Variants in ARHGAP17 observed in about 807,000 individuals in gnomAD.
ARHGAP17 encodes the protein Rho GTPase activating protein 17.
In ARHGAP17, 57 loss-of-function variants were observed where a neutral mutation model predicts 99.5. The observed-to-expected ratio is 0.57, with a 90% CI of 0.46 to 0.71. The LOEUF (loss-of-function observed/expected upper bound fraction) is 0.71. ARHGAP17 is among the 30% of genes least tolerant of loss of function. The pLI is 0.00. For missense variants in ARHGAP17, 1,000 were observed against 1,122.4 expected (o/e 0.89, Z 1.56); for synonymous variants, 417 against 429.6 (o/e 0.97, Z 0.36).
rs757827259 is a variant in ARHGAP17, at chr16:24,968,693, CCTT to C, written c.349_351del (p.Lys117del). 1 of 1,614,238 alleles carries C rather than the reference CCTT, an allele frequency of 6.2e-7. No individual in the cohort carries two copies. Among genetic ancestry groups the C allele is most frequent in the South Asian group, 1.1e-5 (1 of 91,078 alleles). On this transcript the variant is annotated inframe_deletion, in exon 5 of 20. Coordinates refer to ENST00000289968, the MANE Select transcript of ARHGAP17 (RefSeq NM_001006634.3). ...ATGCCGTACAGAGGGTCCACGATCTCCTTCTCAACAAAGACTTCGTGCTGGGAG... is the reference window on the plus strand; with the variant it reads ...ATGCCGTACAGAGGGTCCACGATCTCCTCAACAAAGACTTCGTGCTGGGAG...
intron 17 of ARHGAP17, among the ~76,000 whole-genome samples, chr16:24,937,259 T>C (rs2051167208): frequency 1.3e-5 from 2 of 151,686 alleles, no homozygotes; most frequent in African/African-American, 4.8e-5. Flanking sequence ...CCATCTCTAC[T>C]GAAAATACAA....
intron 7 of ARHGAP17, 41 bp downstream of exon 7, chr16:24,964,156 G>T: frequency 1.4e-6 from 2 of 1,380,912 alleles, no homozygotes; most frequent in South Asian, 1.4e-5. Flanking sequence ...TCCCTCATTT[G>T]CAAAAACCGA....
At chr16:24,972,683 G>A (rs557571535) in intron 3 of ARHGAP17, 2 of 152,212 alleles carry the variant, frequency 1.3e-5, no homozygotes, top group Non-Finnish European at 2.9e-5. Flanking sequence ...TGCAACTCTG[G>A]AACTCTAGGA....
At chr16:24,971,700 G>C (rs9923858) in intron 3 of ARHGAP17, among the ~76,000 whole-genome samples, 10,617 of 152,224 alleles carry the variant, frequency 0.07, 1,218 homozygotes, top group African/African-American at 0.24. Context: ...TCTAGCTAAA[G>C]AGCCAGTTTT....
chr16:24,993,389 C>T lies in ARHGAP17; in HGVS notation c.54-14384G>A, dbSNP rs149403145. On this transcript the variant is annotated intron_variant, in intron 1 of 19. Transcript: ENST00000289968. The stretch of plus-strand genomic sequence containing the variant: ...TCACCTAAGGTCAGGTGTTCAAAAC[C>T]AGCCTGACCAACATGGTGAAACCCC... Among the ~76,000 whole-genome samples, 194 of 152,076 alleles carry T rather than the reference C, an allele frequency of 1.3e-3. No homozygotes were observed. In the South Asian group the frequency reaches 0.028, roughly 22 times the overall value.
At chr16:24,944,361 C>T (rs1299514732) in intron 14 of ARHGAP17, among the ~76,000 whole-genome samples, 1 of 151,976 alleles carries the variant, frequency 6.6e-6, no homozygotes, top group East Asian at 1.9e-4. Flanking sequence ...CTTGGCTGCT[C>T]CTTAGTGTGC....
intron 13 of ARHGAP17, 178 bp downstream of exon 13, chr16:24,949,226 T>G: frequency 2.0e-6 from 1 of 511,546 alleles, no homozygotes; most frequent in Non-Finnish European, 3.4e-6. Flanking sequence ...TTCAAATTCA[T>G]CATAATATAC....
At position 24,919,476 on chromosome 16, in the gene ARHGAP17, G is replaced by A. The variant is rs2050663585; in HGVS notation, c.*654C>T. 1 of 149,308 alleles carries A rather than the reference G, an allele frequency of 6.7e-6. No homozygotes were observed. The highest frequency in any genetic ancestry group is 2.5e-5 in the African/African-American group (1 of 40,130). 9.2% of individuals were successfully genotyped at this position (149,308 alleles called of 1,614,324 possible). On this transcript the variant is annotated 3_prime_UTR_variant, in exon 20 of 20. Coordinates refer to ENST00000289968, the MANE Select transcript of ARHGAP17 (RefSeq NM_001006634.3). ...GTCCTTATCAAGTAGCAATTACATT[G>A]TTTAAAAAAAAAAAAAAGAACAGTA...
rs773524099 is a variant in ARHGAP17, at chr16:25,015,245, T to C, written c.17A>G (p.Asn6Ser). The C allele has an allele frequency of 1.5e-6, 2 of 1,356,554 alleles. No individual in the cohort carries two copies. Among genetic ancestry groups the C allele is most frequent in the Non-Finnish European group, 1.9e-6 (2 of 1,043,516 alleles). The allele number at this position is 1,356,554 out of a possible 1,614,324, so 84.0% of individuals were successfully genotyped here. A position where few individuals can be genotyped will look rare whatever the true frequency, so the allele number is the denominator to read the frequency against. Residue 6 changes from asparagine (N) to serine (S), a missense_variant, in exon 1 of 20, where the codon AAC becomes AGC. By Grantham distance (46) the Asn-to-Ser change is conservative. Transcript: ENST00000289968. MKKQF[N>S]RMKQLANQTV... ...CTGGTTAGCCAGCTGCTTCATGCGG[T>C]TGAACTGCTTCTTCATGGCGGCGGT...
At chr16:25,002,186 T>A (rs990848390) in intron 1 of ARHGAP17, among the ~76,000 whole-genome samples, 1 of 152,126 alleles carries the variant, frequency 6.6e-6, no homozygotes, top group South Asian at 2.1e-4. Flanking sequence ...ATCACAATTA[T>A]ATGTTTCTAA....
intron 1 of ARHGAP17, among the ~76,000 whole-genome samples, chr16:24,979,282 G>A (rs920123720): frequency 1.3e-5 from 2 of 151,856 alleles, no homozygotes; most frequent in African/African-American, 4.8e-5. Flanking sequence ...GAATCACCAA[G>A]GGCAGCAGGT....
Position 24,939,519 on chromosome 16 carries a change from G to A in ARHGAP17, c.1569C>T (p.Phe523=). ...TLNRKHISPA[F]QPPLPPTDGS... ...CATCTGTGGGCGGAAGTGGCGGCTG[G>A]AAAGCGGGGGATATGTGCTTTCTAT... is the stretch of plus-strand genomic sequence containing the variant. The change falls in exon 17 of 20, where the codon TTC becomes TTT. Residue 523 remains phenylalanine, a synonymous_variant. Transcript: ENST00000289968. 6.2e-7 allele frequency: 1 copy of A among 1,609,420 alleles called. No homozygotes were observed. The highest frequency in any genetic ancestry group is 1.7e-4 in the Middle Eastern group (1 of 6,044).
intron 4 of ARHGAP17, among the ~76,000 whole-genome samples, chr16:24,969,232 T>C (rs2052287100): frequency 6.6e-6 from 1 of 152,220 alleles, no homozygotes; most frequent in Non-Finnish European, 1.5e-5. Flanking sequence ...ATGTTTCCTT[T>C]TAGTTTGCTT....
intron 16 of ARHGAP17, chr16:24,941,720 C>T (rs574903372): frequency 3.5e-4 from 164 of 463,706 alleles, no homozygotes; most frequent in Middle Eastern, 6.4e-4. Flanking sequence ...TGTATGATGC[C>T]GTTCCACTGC....
intron 19 of ARHGAP17, 31 bp downstream of exon 19, chr16:24,930,753 G>A (rs751770311): frequency 5.8e-5 from 93 of 1,614,060 alleles, no homozygotes; most frequent in Non-Finnish European, 7.0e-5. Flanking sequence ...TAGAGCAGAC[G>A]AGGAAATACG....
intron 1 of ARHGAP17, among the ~76,000 whole-genome samples, chr16:24,999,576 C>T (rs59555300): frequency 0.043 from 6,597 of 152,072 alleles, 461 homozygotes; most frequent in African/African-American, 0.15. Context: ...GCCACCTCAC[C>T]CAGCTAATTT....
intron 1 of ARHGAP17, among the ~76,000 whole-genome samples, chr16:25,010,473 T>A (rs911391215): frequency 1.3e-5 from 2 of 152,200 alleles, no homozygotes; most frequent in African/African-American, 4.8e-5. Flanking sequence ...TAAACCACCA[T>A]AGAAATGTTA....
chr16:24,935,706 A>G (rs762102240), intron 17 of ARHGAP17, 67 bp from the exon 18 acceptor site: 13 of 1,515,424 alleles, frequency 8.6e-6, no homozygotes, highest in Non-Finnish European at 1.2e-5. Flanking sequence ...CATACTGCAC[A>G]TAAAACATAA....
At chr16:25,008,314 A>G (rs143436997) in intron 1 of ARHGAP17, among the ~76,000 whole-genome samples, 34 of 152,312 alleles carry the variant, frequency 2.2e-4, no homozygotes, top group African/African-American at 7.9e-4. Flanking sequence ...TGCTATACTA[A>G]TGTTTGATTA....
Sources: gnomAD v4.1 joint callset for allele counts (sites outside exome capture counted in the v4.1 genomes callset) on GRCh38, gnomAD v4.1.1 for gene constraint, MANE v1.5 for transcripts, NCBI Gene and HGNC (gene_info 2026-07-23, HGNC 2026-07-21) for gene names.